ANKRD36B: variants seen among roughly 807,000 people sequenced by gnomAD.
ANKRD36B encodes ankyrin repeat domain-containing protein 36B.
In ANKRD36B, 37 loss-of-function variants were observed where a neutral mutation model predicts 135.7. The observed-to-expected ratio is 0.27, with a 90% confidence interval of 0.21 to 0.36. The LOEUF (loss-of-function observed/expected upper bound fraction) is 0.36, where lower values mean the gene tolerates loss of function less well. Among genes scored for constraint, ANKRD36B ranks in the 10% least tolerant of loss-of-function variants. The pLI, the probability that ANKRD36B is intolerant of heterozygous loss-of-function variation, is 1.00. For missense variants in ANKRD36B, 549 were observed against 1,037.1 expected, an observed-to-expected ratio of 0.53 and a Z score of 6.46; for synonymous variants, 179 against 348.1, an observed-to-expected ratio of 0.51 and a Z score of 5.41.
chr2:97,565,891 A>G (rs545967480), intron 6 of ANKRD36B, among the ~76,000 whole-genome samples: 103 of 150,784 alleles, frequency 6.8e-4, no homozygotes, highest in East Asian at 4.3e-3. Context: ...GTGTGTGTGT[A>G]TATATATATA....
chr2:97,569,630 G>A (rs1469308706), intron 6 of ANKRD36B, among the ~76,000 whole-genome samples: 1 of 151,560 alleles, frequency 6.6e-6, no homozygotes, highest in South Asian at 2.1e-4. Flanking sequence ...GTTGAAAATG[G>A]GGGGAGCTAT....
chr2:97,527,715 C>T lies in ANKRD36B; in HGVS notation c.2266-4248G>A, dbSNP rs1438166340. Among the ~76,000 whole-genome samples the T allele has an allele frequency of 3.2e-5, 3 of 95,114 alleles. 1 individual carries two copies. Among genetic ancestry groups the T allele is most frequent in the Admixed American group, 2.8e-4 (3 of 10,748 alleles). The allele number at this position is 95,114 out of a possible 152,430, so 62.4% of individuals were successfully genotyped here. On this transcript the variant is annotated intron_variant, in intron 35 of 43. Coordinates refer to ENST00000359901, the MANE Select transcript of ANKRD36B (RefSeq NM_001393939.1). ...AAATAAAAGGATGGAGGAAGATCTA[C>T]CAAGCAAATGGAAAACAAAAAAAGG... is the stretch of plus-strand genomic sequence containing the variant.
Position 97,560,874 on chromosome 2 carries a change from G to C in ANKRD36B, c.764-14C>G. ...TCTGAGGAGACACTGAAAAGCAAAAGGGATACATAATCAATCATATGTAAA... is the reference window on the plus strand; with the variant it reads ...TCTGAGGAGACACTGAAAAGCAAAACGGATACATAATCAATCATATGTAAA... On this transcript the variant is annotated splice_polypyrimidine_tract_variant and intron_variant, in intron 6 of 43. Coordinates refer to ENST00000359901, the MANE Select transcript of ANKRD36B (RefSeq NM_001393939.1). 3 of 1,557,280 alleles carry C rather than the reference G, an allele frequency of 1.9e-6. No homozygotes were observed. Among genetic ancestry groups the C allele is most frequent in the Non-Finnish European group, 2.6e-6 (3 of 1,151,312 alleles).
chr2:97,538,733 T>C (rs1419502103), intron 30 of ANKRD36B, among the ~76,000 whole-genome samples: 1 of 97,310 alleles, frequency 1.0e-5, no homozygotes, highest in Non-Finnish European at 2.7e-5. Flanking sequence ...TGCTACTGCA[T>C]GTTTTTCATG....
intron 35 of ANKRD36B, among the ~76,000 whole-genome samples, chr2:97,529,518 A>G (rs1373330655): frequency 7.5e-5 from 7 of 93,140 alleles, no homozygotes; most frequent in African/African-American, 2.3e-4. Context: ...CTCTCTCACC[A>G]CTCCTATTCA....
At chr2:97,575,846 T>G (rs79311343) in intron 6 of ANKRD36B, among the ~76,000 whole-genome samples, 4 of 152,044 alleles carry the variant, frequency 2.6e-5, no homozygotes, top group South Asian at 2.1e-4. Flanking sequence ...AACTACAGCT[T>G]TAACTACTGC....
chr2:97,569,858 T>C (rs1414157023), intron 6 of ANKRD36B, among the ~76,000 whole-genome samples: 1 of 152,108 alleles, frequency 6.6e-6, no homozygotes, highest in Admixed American at 6.6e-5. Flanking sequence ...AGAATTATAG[T>C]ATATAAAAGC....
chr2:97,573,007 C>T (rs1480161417), intron 6 of ANKRD36B, among the ~76,000 whole-genome samples: 4 of 151,472 alleles, frequency 2.6e-5, no homozygotes, highest in African/African-American at 9.7e-5. Context: ...TGGTGTGCTG[C>T]ACCCATTAAC....
Position 97,549,606 on chromosome 2 carries a change from G to A in ANKRD36B, c.1384C>T (p.Gln462Ter). ...ATTACCTTCAAGGCTGGTGGTTTCT[G>A]AGAAGACACTGAAAAGCAAAAGGGA... ...DGEISRTVSS[Q>*]KPPALKATSV... Residue 462 changes from glutamine (Q) to a stop codon, truncating the protein, a stop_gained, in exon 19 of 44, where the codon CAG (glutamine) becomes TAG (stop). Transcript: ENST00000359901. LOFTEE classifies it high-confidence loss of function. 6.2e-7 allele frequency: 1 copy of A among 1,608,512 alleles called. No homozygotes were observed. The highest frequency in any genetic ancestry group is 8.5e-7 in the Non-Finnish European group (1 of 1,177,888).
intron 18 of ANKRD36B, among the ~76,000 whole-genome samples, chr2:97,550,539 G>A (rs57523201): frequency 6.6e-6 from 1 of 151,682 alleles, no homozygotes; most frequent in Non-Finnish European, 1.5e-5. Flanking sequence ...GTAGCTCCTT[G>A]AACAAGGAAG....
chr2:97,529,304 A>G lies in ANKRD36B; in HGVS notation c.2265+3007T>C, dbSNP rs2078421572. 2.1e-5 allele frequency among the ~76,000 whole-genome samples: 2 copies of G among 96,050 alleles called. 1 individual carries two copies. The highest frequency in any genetic ancestry group is 1.8e-4 in the Admixed American group (2 of 10,820). The allele number at this position is 96,050 out of a possible 152,430, so 63.0% of individuals were successfully genotyped here. A position where few individuals can be genotyped will look rare whatever the true frequency, so the allele number is the denominator to read the frequency against. On this transcript the variant is annotated intron_variant, in intron 35 of 43. Transcript: ENST00000359901. ...ATAAACAGAACCAAAGACAAAAACC[A>G]CATGATTATCTCAATAGATGCAGAA... is the stretch of plus-strand genomic sequence containing the variant.
intron 6 of ANKRD36B, among the ~76,000 whole-genome samples, chr2:97,566,910 T>C (rs534130111): frequency 2.0e-5 from 3 of 152,250 alleles, no homozygotes; most frequent in East Asian, 1.9e-4. Context: ...TCTGGCACTA[T>C]CTACTTGGGG....
rs1231329246 is a variant in ANKRD36B, at chr2:97,536,808, A to G, written c.2090-312T>C. Among the ~76,000 whole-genome samples the G allele has an allele frequency of 1.0e-4, 10 of 97,382 alleles. 3 individuals are homozygous for G. Among genetic ancestry groups the G allele is most frequent in the African/African-American group, 2.5e-4 (8 of 32,572 alleles). The allele number at this position is 97,382 out of a possible 152,430, so 63.9% of individuals were successfully genotyped here. A position where few individuals can be genotyped will look rare whatever the true frequency, so the allele number is the denominator to read the frequency against. On this transcript the variant is annotated intron_variant, in intron 32 of 43. Coordinates refer to ENST00000359901, the MANE Select transcript of ANKRD36B (RefSeq NM_001393939.1). ...AATGTGATCTAAAATCAGAGGAGCA[A>G]GTCATAACCCTAGAAATAAGTGTAA... is the stretch of plus-strand genomic sequence containing the variant.
chr2:97,589,235 G>T (rs1481221928), intron 1 of ANKRD36B, among the ~76,000 whole-genome samples: 1 of 101,444 alleles, frequency 9.9e-6, no homozygotes, highest in African/African-American at 3.9e-5. Context: ...CACCATCCAC[G>T]CCCCTACCCC....
At chr2:97,554,675 G>T (rs75163347) in intron 14 of ANKRD36B, among the ~76,000 whole-genome samples, 3 of 151,830 alleles carry the variant, frequency 2.0e-5, no homozygotes, top group Non-Finnish European at 1.5e-5. Context: ...TGGTTATTAC[G>T]ATCAGTTTTC....
chr2:97,572,740 TAAAAA>T (rs201219626), intron 6 of ANKRD36B, among the ~76,000 whole-genome samples: 19 of 145,354 alleles, frequency 1.3e-4, no homozygotes, highest in African/African-American at 4.8e-4. Context: ...GGGACGAAAT[TAAAAA>T]AAAAAACAGT....
chr2:97,558,229 G>T (rs1234858894), intron 10 of ANKRD36B, among the ~76,000 whole-genome samples: 1 of 152,006 alleles, frequency 6.6e-6, no homozygotes, highest in Non-Finnish European at 1.5e-5. Flanking sequence ...TCCTAAAGCA[G>T]CCAAAATCAA....
In ANKRD36B at chr2:97,539,176, AAGTC is replaced by A. The variant is rs2104518896; in HGVS notation, c.1988-817_1988-814del. Among the ~76,000 whole-genome samples the A allele has an allele frequency of 2.0e-5, 2 of 97,790 alleles. 1 individual carries two copies. Among genetic ancestry groups the A allele is most frequent in the South Asian group, 4.6e-4 (2 of 4,314 alleles). The allele number at this position is 97,790 out of a possible 152,430, so 64.2% of individuals were successfully genotyped here. A position where few individuals can be genotyped will look rare whatever the true frequency, so the allele number is the denominator to read the frequency against. Reference sequence around the variant, plus strand: ...TATTCATTGAAAATAACAATTTTAAAAGTCAATTAATGAATTCAAATTAATTTTG... The same window carrying A: ...TATTCATTGAAAATAACAATTTTAAAAATTAATGAATTCAAATTAATTTTG... On this transcript the variant is annotated intron_variant, in intron 30 of 43. Coordinates refer to ENST00000359901, the MANE Select transcript of ANKRD36B (RefSeq NM_001393939.1).
rs1445206979 is a variant in ANKRD36B, at chr2:97,533,645, T to C, written c.2192-1261A>G. On this transcript the variant is annotated intron_variant, in intron 34 of 43. Transcript: ENST00000359901. ...GTAGAATAAAAATTAATAAAACTAT[T>C]CATTTTTTTCATTCCTAGGTAGGCT... Among the ~76,000 whole-genome samples, 39 of 95,344 alleles carry C rather than the reference T, an allele frequency of 4.1e-4. 15 individuals carry two copies. Among genetic ancestry groups the C allele is most frequent in the African/African-American group, 1.2e-3 (37 of 31,744 alleles). The allele number at this position is 95,344 out of a possible 152,430, so 62.5% of individuals were successfully genotyped here. A position where few individuals can be genotyped will look rare whatever the true frequency, so the allele number is the denominator to read the frequency against.
Sources: gnomAD v4.1 joint callset for allele counts (sites outside exome capture counted in the v4.1 genomes callset) on GRCh38, gnomAD v4.1.1 for gene constraint, MANE v1.5 for transcripts, NCBI Gene and HGNC (gene_info 2026-07-23, HGNC 2026-07-21) for gene names.